Variants in PKD2 observed in about 807,000 individuals in gnomAD.
PKD2 encodes the protein polycystin 2, transient receptor potential cation channel.
A neutral mutation model predicts 105.9 loss-of-function variants in PKD2; 48 were observed. The observed-to-expected ratio is 0.45, with a 90% CI of 0.36 to 0.58. The LOEUF (loss-of-function observed/expected upper bound fraction) is 0.58. PKD2 is among the 20% of genes least tolerant of loss of function. PKD2 has a pLI of 0.00. For synonymous variants in PKD2, 464 were observed against 481.1 expected, an observed-to-expected ratio of 0.96 and a Z score of 0.46; for missense variants, 1,078 against 1,255.3, an observed-to-expected ratio of 0.86 and a Z score of 2.13.
intron 4 of PKD2, among the ~76,000 whole-genome samples, chr4:88,038,788 A>C (rs1371804045): frequency 6.6e-6 from 1 of 152,206 alleles, no homozygotes; most frequent in Non-Finnish European, 1.5e-5. Context: ...ATTTCATTTA[A>C]GATGCCCTGG....
intron 13 of PKD2, among the ~76,000 whole-genome samples, chr4:88,069,834 G>C (rs755434911): frequency 6.6e-6 from 1 of 152,038 alleles, no homozygotes; most frequent in Admixed American, 6.6e-5. Flanking sequence ...CTCCGATACA[G>C]CTTTGCTACT....
At chr4:88,053,857 C>T (rs1036360656) in intron 7 of PKD2, among the ~76,000 whole-genome samples, 1 of 152,074 alleles carries the variant, frequency 6.6e-6, no homozygotes, top group African/African-American at 2.4e-5. Context: ...TTGTCCTAGA[C>T]AGTAGCCACT....
intron 6 of PKD2, among the ~76,000 whole-genome samples, chr4:88,049,965 G>A (rs913913395): frequency 2.0e-5 from 3 of 147,608 alleles, no homozygotes; most frequent in African/African-American, 7.8e-5. Context: ...GTTGTACAGG[G>A]TAAATTTTTT....
At chr4:88,074,768 C>A in intron 13 of PKD2, 44 bp from the exon 14 acceptor site, 1 of 1,610,698 alleles carries the variant, frequency 6.2e-7, no homozygotes, top group Non-Finnish European at 8.5e-7. Context: ...GCTGAAAAGA[C>A]AATGACAAGC....
At chr4:88,055,638 CTTTTT>C (rs5860112) in intron 7 of PKD2, among the ~76,000 whole-genome samples, 1 of 140,862 alleles carries the variant, frequency 7.1e-6, no homozygotes, top group African/African-American at 2.6e-5. Context: ...TGCACTCAGC[CTTTTT>C]TTTTTTTTTT....
intron 7 of PKD2, among the ~76,000 whole-genome samples, chr4:88,054,067 T>C (rs2728100): frequency 0.29 from 44,443 of 151,298 alleles, 9,384 homozygotes; most frequent in African/African-American, 0.59. Flanking sequence ...TTATTATTAG[T>C]TTAATAATAA....
intron 2 of PKD2, among the ~76,000 whole-genome samples, chr4:88,035,074 C>T (rs924095795): frequency 6.6e-5 from 10 of 152,016 alleles, no homozygotes; most frequent in African/African-American, 2.2e-4. Flanking sequence ...TATTTAGGCA[C>T]CAAAAAATCC....
intron 1 of PKD2, among the ~76,000 whole-genome samples, chr4:88,010,921 C>G (rs1469340848): frequency 1.3e-5 from 2 of 152,146 alleles, no homozygotes; most frequent in African/African-American, 4.8e-5. Flanking sequence ...TGTATCTAAT[C>G]AAGGAATTGA....
chr4:88,068,969 T>C (rs1158965209), intron 13 of PKD2, among the ~76,000 whole-genome samples: 1 of 152,214 alleles, frequency 6.6e-6, no homozygotes, highest in Non-Finnish European at 1.5e-5. Context: ...CCTAATATAT[T>C]GACCCTATTT....
intron 1 of PKD2, 105 bp from the exon 2 acceptor site, chr4:88,019,353 C>T (rs1726668644): frequency 4.4e-6 from 3 of 687,802 alleles, no homozygotes; most frequent in Admixed American, 2.4e-5. Context: ...GGAGAATCTC[C>T]CTTATAGGTG....
Position 88,007,868 on chromosome 4 carries a change from C to T in PKD2, c.135C>T (p.Gly45=). The T allele has an allele frequency of 7.1e-6, 9 of 1,266,204 alleles. No homozygotes were observed. Among genetic ancestry groups the T allele is most frequent in the Middle Eastern group, 2.9e-4 (1 of 3,406 alleles). 78.4% of individuals were successfully genotyped at this position (1,266,204 alleles called of 1,614,324 possible). ...AVGASLAAPG[G]LCEQRGLEIE... ...GCGCCAGCCTCGCCGCCCCGGGCGG[C>T]CTCTGCGAGCAGCGGGGCCTGGAGA... is the stretch of plus-strand genomic sequence containing the variant. Residue 45 remains glycine (G), a synonymous_variant, in exon 1 of 15, where the codon GGC becomes GGT. Coordinates refer to ENST00000237596, the MANE Select transcript of PKD2 (RefSeq NM_000297.4).
chr4:88,059,955 C>T (rs1372513413), intron 9 of PKD2, among the ~76,000 whole-genome samples: 1 of 152,106 alleles, frequency 6.6e-6, no homozygotes, highest in Non-Finnish European at 1.5e-5. Context: ...ACCAGGATAA[C>T]CCCACTCTTC....
chr4:88,042,638 T>G (rs1372022178), intron 4 of PKD2, among the ~76,000 whole-genome samples: 4 of 152,210 alleles, frequency 2.6e-5, no homozygotes, highest in Admixed American at 2.0e-4. Flanking sequence ...GCCTTATTTC[T>G]TTTCTCTTTT....
At chr4:88,034,837 A>G (rs1040123598) in intron 2 of PKD2, among the ~76,000 whole-genome samples, 6 of 152,300 alleles carry the variant, frequency 3.9e-5, no homozygotes, top group African/African-American at 1.4e-4. Flanking sequence ...CTGTGGTTTA[A>G]AAAATGTATA....
intron 2 of PKD2, among the ~76,000 whole-genome samples, chr4:88,020,112 A>G (rs962723920): frequency 6.6e-6 from 1 of 152,226 alleles, no homozygotes; most frequent in African/African-American, 2.4e-5. Context: ...GGATTTTTGT[A>G]TTAGATTCCT....
intron 13 of PKD2, among the ~76,000 whole-genome samples, chr4:88,072,556 G>A (rs1440411613): frequency 3.3e-5 from 5 of 152,176 alleles, no homozygotes. Flanking sequence ...CAGGGACAGT[G>A]GCCCACCTCT....
At chr4:88,068,757 T>TTAC (rs1198403930) in intron 13 of PKD2, among the ~76,000 whole-genome samples, 1 of 152,174 alleles carries the variant, frequency 6.6e-6, no homozygotes, top group African/African-American at 2.4e-5. Flanking sequence ...TTAGGTCTAG[T>TTAC]TTGTTTACAG....
At chr4:88,042,715 T>A (rs182071692) in intron 4 of PKD2, among the ~76,000 whole-genome samples, 63 of 152,346 alleles carry the variant, frequency 4.1e-4, no homozygotes, top group Non-Finnish European at 8.8e-5. Context: ...CTACTTGTTA[T>A]AAATTTGGGA....
At position 88,038,261 on chromosome 4, in the gene PKD2, G is replaced by T. The variant is rs1207656083; in HGVS notation, c.854G>T (p.Gly285Val). The T allele has an allele frequency of 1.5e-5, 25 of 1,613,930 alleles. No homozygotes were observed. The highest frequency in any genetic ancestry group is 2.0e-5 in the Non-Finnish European group (24 of 1,179,978). Residue 285 changes from glycine (G) to valine (V), a missense_variant, in exon 4 of 15, where the codon GGC (glycine) becomes GTC (valine). Physicochemically the swap from Gly to Val is moderately radical, Grantham distance 109. Transcript: ENST00000237596. ...SMEDFWKFTEGSLLDGLYWKM... is the reference protein window; with the variant it reads ...SMEDFWKFTEVSLLDGLYWKM... ...TTCCTTTGCTTTTAGTTCACAGAAG[G>T]CTCCTTATTGGATGGGCTGTACTGG...
Sources: allele counts gnomAD v4.1 joint callset (sites outside exome capture counted in the v4.1 genomes callset), GRCh38; gene constraint gnomAD v4.1.1; transcripts MANE v1.5; gene names NCBI Gene and HGNC (gene_info 2026-07-23, HGNC 2026-07-21).